CLCN6: variants seen among roughly 807,000 people sequenced by gnomAD.
CLCN6 encodes H(+)/Cl(-) exchange transporter 6.
CLCN6 carries 70 observed loss-of-function variants against 109.8 expected under a neutral mutation model. That is an observed-to-expected ratio of 0.64 (90% CI 0.53 to 0.78). The LOEUF (loss-of-function observed/expected upper bound fraction) is 0.78. CLCN6 is among the 30% of genes least tolerant of loss of function. CLCN6 has a pLI of 0.00. For missense variants in CLCN6, 984 were observed against 1,142.3 expected (o/e 0.86, Z 2.00); for synonymous variants, 444 against 447.8 (o/e 0.99, Z 0.11).
rs566099716 is a variant in CLCN6, at chr1:11,813,388, A to G, written c.148-2458A>G. On this transcript the variant is annotated intron_variant, in intron 2 of 22. Transcript: ENST00000346436. ...CTGTGTTTCTTTTCTGATCAGTAAA[A>G]AAGATTTTTTTTTTTTTTTTGAGAC... Among the ~76,000 whole-genome samples, 18 of 152,140 alleles carry G rather than the reference A, an allele frequency of 1.2e-4. No individual in the cohort carries two copies. In the South Asian group the frequency reaches 3.3e-3, roughly 28 times the overall value.
At chr1:11,814,752 G>A (rs1013546139) in intron 2 of CLCN6, among the ~76,000 whole-genome samples, 3 of 152,010 alleles carry the variant, frequency 2.0e-5, no homozygotes, top group African/African-American at 7.2e-5. Context: ...GTGGAAGTTG[G>A]CCAGGCGCAG....
At chr1:11,832,620 C>A (rs2100650576) in intron 13 of CLCN6, among the ~76,000 whole-genome samples, 1 of 152,368 alleles carries the variant, frequency 6.6e-6, no homozygotes, top group Non-Finnish European at 1.5e-5. Context: ...TCACACAAAC[C>A]ACCCCCTGGT....
At position 11,822,788 on chromosome 1, in the gene CLCN6, T is replaced by C. The variant is rs773734978; in HGVS notation, c.440T>C (p.Leu147Pro). 1 of 1,612,194 alleles carries C rather than the reference T, an allele frequency of 6.2e-7. No individual in the cohort carries two copies. The highest frequency in any genetic ancestry group is 8.5e-7 in the Non-Finnish European group (1 of 1,178,230). Residue 147 changes from leucine to proline, a missense_variant, in exon 6 of 23, where the codon CTT (leucine) becomes CCT (proline). Leu to Pro is a moderately conservative substitution (Grantham distance 98). Transcript: ENST00000346436. ...ACCTTTGTCTTCCTGGCAAGCCTCC[T>C]TGTTCTCATTGAGGTGAGGTGGTTT... ...NLTFVFLASL[L>P]VLIEPVAAGS...
chr1:11,820,962 G>C (rs1185816118), intron 5 of CLCN6, among the ~76,000 whole-genome samples: 1 of 151,840 alleles, frequency 6.6e-6, no homozygotes, highest in African/African-American at 2.4e-5. Flanking sequence ...TGTAATCCCA[G>C]CTACTTGGAA....
Position 11,838,526 on chromosome 1 carries a change from T to A in CLCN6, c.2404-9T>A. 1 of 1,607,070 alleles carries A rather than the reference T, an allele frequency of 6.2e-7. No individual in the cohort carries two copies. Reference sequence around the variant, plus strand: ...CTCAGGCAGTCAGTGACACGTGGTCTCTTTGCAGGATGTCACCCCATACAT... The same window carrying A: ...CTCAGGCAGTCAGTGACACGTGGTCACTTTGCAGGATGTCACCCCATACAT... On this transcript the variant is annotated splice_polypyrimidine_tract_variant and intron_variant, in intron 21 of 22. Coordinates refer to ENST00000346436, the MANE Select transcript of CLCN6 (RefSeq NM_001286.5).
chr1:11,835,859 C>A (rs1644937386), intron 17 of CLCN6, 108 bp from the exon 18 acceptor site: 2 of 833,532 alleles, frequency 2.4e-6, no homozygotes, highest in Non-Finnish European at 1.9e-6. Context: ...TTCAGAAGAG[C>A]CCCCCACCCC....
chr1:11,829,412 T>C (rs1427833675), intron 13 of CLCN6, 90 bp downstream of exon 13: 6 of 1,458,604 alleles, frequency 4.1e-6, no homozygotes, highest in Admixed American at 1.7e-5. Flanking sequence ...CTAATAGATA[T>C]GTTGGGTTCA....
intron 11 of CLCN6, 61 bp from the exon 12 acceptor site, chr1:11,828,397 C>G: frequency 6.3e-7 from 1 of 1,596,918 alleles, no homozygotes; most frequent in Non-Finnish European, 8.6e-7. Flanking sequence ...TCTCTTCTGT[C>G]TCTTCCGGTT....
Position 11,822,699 on chromosome 1 carries a change from G to C in CLCN6, c.351G>C (p.Val117=), listed in dbSNP as rs943411321. 2 of 1,608,874 alleles carry C rather than the reference G, an allele frequency of 1.2e-6. No homozygotes were observed. The highest frequency in any genetic ancestry group is 1.7e-6 in the Non-Finnish European group (2 of 1,175,514). ...QLKFGVVQTS[V]EECSQKGCLA... Reference sequence around the variant, plus strand: ...TCCTTAACCCAGTTTCCGCAGCGGTGGAGGAGTGCAGCCAGAAAGGCTGCC... The same window carrying C: ...TCCTTAACCCAGTTTCCGCAGCGGTCGAGGAGTGCAGCCAGAAAGGCTGCC... Residue 117 remains valine, a synonymous_variant, in exon 6 of 23, where the codon GTG becomes GTC. Coordinates refer to ENST00000346436, the MANE Select transcript of CLCN6 (RefSeq NM_001286.5).
chr1:11,823,468 ACT>A (rs1418656467), intron 6 of CLCN6, among the ~76,000 whole-genome samples: 1 of 146,792 alleles, frequency 6.8e-6, no homozygotes, highest in Non-Finnish European at 1.5e-5. Flanking sequence ...CAAGAGTGAA[ACT>A]CTACCTCAAA....
At chr1:11,835,930 C>T (rs1644938153) in intron 17 of CLCN6, 37 bp from the exon 18 acceptor site, 1 of 1,591,768 alleles carries the variant, frequency 6.3e-7, no homozygotes, top group Admixed American at 1.7e-5. Flanking sequence ...CCTGCGGGCA[C>T]TGTCATGAGG....
chr1:11,811,324 A>C (rs1346411552), intron 2 of CLCN6, among the ~76,000 whole-genome samples: 11 of 152,110 alleles, frequency 7.2e-5, no homozygotes, highest in Admixed American at 5.9e-4. Flanking sequence ...AGAGTGTACA[A>C]TTCAATGGGG....
chr1:11,823,292 AGTAAAAATACAAAATTAGCCG>A (rs56968906), intron 6 of CLCN6, among the ~76,000 whole-genome samples: 11,439 of 151,990 alleles, frequency 0.075, 576 homozygotes, highest in African/African-American at 0.14. Context: ...CCCTGTCTCT[AGTAAAAATACAAAATTAGCCG>A]GTAAAAATAC....
intron 13 of CLCN6, among the ~76,000 whole-genome samples, chr1:11,831,223 C>G (rs1256679524): frequency 6.6e-6 from 1 of 151,734 alleles, no homozygotes; most frequent in East Asian, 1.9e-4. Flanking sequence ...GTGGCAAGAT[C>G]TCGGCTCACT....
intron 20 of CLCN6, among the ~76,000 whole-genome samples, 171 bp from the exon 21 acceptor site, chr1:11,838,164 A>G (rs186658298): frequency 4.5e-4 from 69 of 152,338 alleles, no homozygotes; most frequent in African/African-American, 1.6e-3. Context: ...GGACTTGGCC[A>G]AGGACTTGGT....
Position 11,834,312 on chromosome 1 carries a change from C to T in CLCN6, c.1603C>T (p.Arg535Cys), listed in dbSNP as rs766387120. The change falls in exon 16 of 23, where the codon CGC becomes TGC. Residue 535 changes from arginine to cysteine, a missense_variant. Physicochemically the swap from Arg to Cys is radical, Grantham distance 180 (BLOSUM62 -3). Coordinates refer to ENST00000346436, the MANE Select transcript of CLCN6 (RefSeq NM_001286.5). This position sits in a 1 kb window ranked among gnomAD's most constrained non-coding sequence, Gnocchi z 4.5. The part of the protein sequence containing the change: ...GAAAFLGGVV[R>C]MTISLTVILI... ...AGCGGCTTTCTTGGGCGGGGTGGTC[C>T]GCATGACCATCAGCCTCACGGTCAT... The T allele has an allele frequency of 1.1e-5, 17 of 1,613,884 alleles. No homozygotes were observed. The highest frequency in any genetic ancestry group is 1.7e-5 in the Admixed American group (1 of 59,984).
At position 11,834,913 on chromosome 1, in the gene CLCN6, A is replaced by G. The variant is rs112892005; in HGVS notation, c.1793+323A>G. 5.6e-4 allele frequency among the ~76,000 whole-genome samples: 85 copies of G among 152,308 alleles called. No homozygotes were observed. Among genetic ancestry groups the G allele is most frequent in the African/African-American group, 2.0e-3 (84 of 41,566 alleles). On this transcript the variant is annotated intron_variant, in intron 17 of 22. Transcript: ENST00000346436. The surrounding 1 kb of genome is among the most constrained non-coding windows in gnomAD (Gnocchi z 4.5). ...TGATTGAATGTTTAAGGGTATGCCA[A>G]GCCCCAGGAGTGAGAATAGCCTGTT...
chr1:11,822,877 A>C, intron 6 of CLCN6, 76 bp downstream of exon 6: 1 of 919,942 alleles, frequency 1.1e-6, no homozygotes, highest in Non-Finnish European at 1.8e-6. Flanking sequence ...CTCCTTCCAG[A>C]ATGTCAGGAA....
At chr1:11,830,586 C>T (rs11811501) in intron 13 of CLCN6, among the ~76,000 whole-genome samples, 1 of 151,676 alleles carries the variant, frequency 6.6e-6, no homozygotes, top group Non-Finnish European at 1.5e-5. Flanking sequence ...TGGTATCCAT[C>T]GGGATCCTGG....
Sources: allele counts gnomAD v4.1 joint callset (sites outside exome capture counted in the v4.1 genomes callset), GRCh38; gene constraint gnomAD v4.1.1; non-coding constraint Gnocchi (gnomAD v3.1); transcripts MANE v1.5; gene names NCBI Gene and HGNC (gene_info 2026-07-23, HGNC 2026-07-21).